DGKQ: variants seen among roughly 807,000 people sequenced by gnomAD.
The protein encoded by DGKQ is DAG kinase theta.
Under a neutral mutation model 104.2 loss-of-function variants are expected in DGKQ, and 97 were observed. The ratio of observed to expected loss-of-function variants is 0.93; its 90% CI spans 0.79 to 1.10. DGKQ has a LOEUF of 1.10. Ranked by LOEUF, DGKQ falls within the 50% of genes least tolerant of loss-of-function variation. The pLI is 0.00. For synonymous variants in DGKQ, 736 were observed against 595.2 expected, an observed-to-expected ratio of 1.24 and a Z score of -3.44; for missense variants, 1,465 against 1,352.1, an observed-to-expected ratio of 1.08 and a Z score of -1.31.
chr4:968,209 C>T (rs1712597875), intron 5 of DGKQ, 73 bp downstream of exon 5: 1 of 775,290 alleles, frequency 1.3e-6, no homozygotes. Context: ...GCCAACTCCT[C>T]CACCTCCCAG....
chr4:963,109 G>T, intron 16 of DGKQ, 30 bp downstream of exon 16: 1 of 1,577,198 alleles, frequency 6.3e-7, no homozygotes, highest in Non-Finnish European at 8.6e-7. Context: ...CCCTGCTGCT[G>T]CCCTGGACCA....
Position 971,125 on chromosome 4 carries a change from C to T in DGKQ, c.272-53G>A. On this transcript the variant is annotated intron_variant, in intron 1 of 22. Transcript: ENST00000273814. The surrounding 1 kb of genome is among the most constrained non-coding windows in gnomAD (Gnocchi z 4.0). ...GCCCCTGTCCTACCCAATGGCTGTC[C>T]TACCCAGGAAGTTAGAGGCCCCAGG... The T allele has an allele frequency of 7.1e-7, 1 of 1,417,904 alleles. No individual in the cohort carries two copies. The highest frequency in any genetic ancestry group is 1.2e-5 in the South Asian group (1 of 80,632). The allele number at this position is 1,417,904 out of a possible 1,614,324, so 87.8% of individuals were successfully genotyped here. A position where few individuals can be genotyped will look rare whatever the true frequency, so the allele number is the denominator to read the frequency against.
chr4:968,406 T>A lies in DGKQ; in HGVS notation c.539A>T (p.Asp180Val), dbSNP rs1560518993. The change falls in exon 5 of 23, where the codon GAC becomes GTC. Residue 180 changes from aspartate (D) to valine (V), a missense_variant and splice_region_variant. By Grantham distance (152) the Asp-to-Val change is radical. Transcript: ENST00000273814. The part of the protein sequence containing the change: ...QCHQDGHQDH[D>V]THHHHWREGN... ...CTCCCGCCAGTGGTGGTGATGGGTG[T>A]CCTGCAGAGCGGGGGCAGTCAGCAG... is the stretch of plus-strand genomic sequence containing the variant. 2.5e-6 allele frequency: 4 copies of A among 1,578,642 alleles called. No individual in the cohort carries two copies. The highest frequency in any genetic ancestry group is 1.1e-5 in the South Asian group (1 of 87,022).
At chr4:962,157 G>A (rs994406701) in intron 18 of DGKQ, 75 bp from the exon 19 acceptor site, 23 of 1,318,878 alleles carry the variant, frequency 1.7e-5, no homozygotes, top group Admixed American at 8.7e-5. Flanking sequence ...CAGCTCTGCC[G>A]GCAGGCAGAG....
At position 966,922 on chromosome 4, in the gene DGKQ, A is replaced by C. The variant is rs1242183453; in HGVS notation, c.1311+42T>G. 9 of 1,548,236 alleles carry C rather than the reference A, an allele frequency of 5.8e-6. No individual in the cohort carries two copies. In the South Asian group the frequency reaches 9.5e-5, roughly 16 times the overall value. ...GGCCTCCTGGGGACAGCGACCCCCCACCGAGTCTGGCCGGCATGGGGAGCA... is the reference window on the plus strand; with the variant it reads ...GGCCTCCTGGGGACAGCGACCCCCCCCCGAGTCTGGCCGGCATGGGGAGCA... On this transcript the variant is annotated intron_variant, in intron 10 of 22. Transcript: ENST00000273814.
chr4:960,436 T>C lies in DGKQ; in HGVS notation c.*184A>G. On this transcript the variant is annotated 3_prime_UTR_variant, in exon 23 of 23. Coordinates refer to ENST00000273814, the MANE Select transcript of DGKQ (RefSeq NM_001347.4). ...TGGGATGAGGGCTGTGACACCAACA[T>C]GTGTCACCAATGGGATGAGGGCGGG... is the stretch of plus-strand genomic sequence containing the variant. 1 of 604,322 alleles carries C rather than the reference T, an allele frequency of 1.7e-6. No individual in the cohort carries two copies. Among genetic ancestry groups the C allele is most frequent in the Non-Finnish European group, 3.0e-6 (1 of 338,130 alleles). 37.4% of individuals were successfully genotyped at this position (604,322 alleles called of 1,614,324 possible). A position where few individuals can be genotyped will look rare whatever the true frequency, so the allele number is the denominator to read the frequency against.
intron 1 of DGKQ, among the ~76,000 whole-genome samples, chr4:972,215 G>A (rs1712984686): frequency 6.6e-6 from 1 of 152,114 alleles, no homozygotes; most frequent in Non-Finnish European, 1.5e-5. Flanking sequence ...CCTCAAGTCG[G>A]GAGCTGCCTC....
chr4:971,071 G>T lies in DGKQ; in HGVS notation c.273C>A (p.Val91=). 1 of 1,556,608 alleles carries T rather than the reference G, an allele frequency of 6.4e-7. No homozygotes were observed. The highest frequency in any genetic ancestry group is 1.2e-5 in the South Asian group (1 of 84,384). The part of the protein sequence containing the change: ...IWGLAGFLCD[V]CNFMSHEKCL... ...ACTTCTCATGAGACATGAAATTGCA[G>T]ACTGTGGGAATGAGCACTGTGTGAG... Residue 91 remains valine (V), a splice_region_variant and synonymous_variant, in exon 2 of 23, where the codon GTC becomes GTA. Transcript: ENST00000273814. The surrounding 1 kb of genome is among the most constrained non-coding windows in gnomAD (Gnocchi z 4.0).
In DGKQ at chr4:973,463, G is replaced by A; in HGVS notation, c.20C>T (p.Pro7Leu). ...GCCGCCCAGCCAGGCGCGGGCCCCG[G>A]GCTCGGCCGCCGCCGCCATTCCCGG... MAAAAE[P>L]GARAWLGGGS... Residue 7 changes from proline (P) to leucine (L), a missense_variant, in exon 1 of 23, where the codon CCC becomes CTC. Pro to Leu is a moderately conservative substitution (Grantham distance 98). Transcript: ENST00000273814. 7 of 986,774 alleles carry A rather than the reference G, an allele frequency of 7.1e-6. No homozygotes were observed. Among genetic ancestry groups the A allele is most frequent in the Non-Finnish European group, 8.4e-6 (7 of 832,032 alleles). 61.1% of individuals were successfully genotyped at this position (986,774 alleles called of 1,614,324 possible).
rs1446279760 is a variant in DGKQ at position 962,776 on chromosome 4, G to A, written c.2031C>T (p.Gly677=). The change falls in exon 17 of 23, where the codon GGC becomes GGT. Residue 677 remains glycine (G), a synonymous_variant. Coordinates refer to ENST00000273814, the MANE Select transcript of DGKQ (RefSeq NM_001347.4). ...CGGCTGCACGGCTGAGCCCACCTGT[G>A]CCCAGGGGCAGGATGGCCACAGAAG... ...PEPSVAILPL[G]TGNDLGRVLR... is the part of the protein sequence containing the mutation. 1.2e-6 allele frequency: 2 copies of A among 1,605,178 alleles called. No homozygotes were observed. The highest frequency in any genetic ancestry group is 1.7e-5 in the Admixed American group (1 of 58,816).
chr4:965,678 AC>A, intron 13 of DGKQ, 149 bp from the exon 14 acceptor site: 1 of 950,638 alleles, frequency 1.1e-6, no homozygotes, highest in Non-Finnish European at 1.6e-6. Context: ...CAGGAGCAGG[AC>A]TCCCAGCTCC....
Position 965,242 on chromosome 4 carries a change from G to A in DGKQ, c.1668C>T (p.Tyr556=), listed in dbSNP as rs1380679933. The A allele has an allele frequency of 6.2e-7, 1 of 1,612,564 alleles. No individual in the cohort carries two copies. The highest frequency in any genetic ancestry group is 1.3e-5 in the African/African-American group (1 of 74,908). ...VACFAEAERL[Y]MLLKDMAVRG... is the part of the protein sequence containing the mutation. Reference sequence around the variant, plus strand: ...GCACAGCCATGTCCTTCAGCAGCATGTACAGCCGCTCGGCCTCCGCAAAGC... The same window carrying A: ...GCACAGCCATGTCCTTCAGCAGCATATACAGCCGCTCGGCCTCCGCAAAGC... Residue 556 remains tyrosine (Y), a synonymous_variant, in exon 15 of 23, where the codon TAC becomes TAT. Coordinates refer to ENST00000273814, the MANE Select transcript of DGKQ (RefSeq NM_001347.4).
In DGKQ at chr4:965,214, C is replaced by A. The variant is rs138136498; in HGVS notation, c.1696G>T (p.Gly566Cys). The A allele has an allele frequency of 2.8e-5, 45 of 1,612,582 alleles. No homozygotes were observed. Among genetic ancestry groups the A allele is most frequent in the Non-Finnish European group, 3.6e-5 (42 of 1,179,922 alleles). Residue 566 changes from glycine to cysteine, a missense_variant, in exon 15 of 23, where the codon GGC becomes TGC. By Grantham distance (159) the Gly-to-Cys change is radical. Coordinates refer to ENST00000273814, the MANE Select transcript of DGKQ (RefSeq NM_001347.4). ...YMLLKDMAVR[G>C]RLLTALVLPD... ...AGCACCAGGGCAGTGAGCAGCCGGC[C>A]CCGCACAGCCATGTCCTTCAGCAGC...
In DGKQ at chr4:968,540, T is replaced by C. The variant is rs768550851; in HGVS notation, c.476A>G (p.Asp159Gly). 6.2e-6 allele frequency: 10 copies of C among 1,609,092 alleles called. No homozygotes were observed. In the Admixed American group the frequency reaches 1.3e-4, roughly 22 times the overall value. ...CEVCELHLHPDCVPFACSDCR... is the reference protein window; with the variant it reads ...CEVCELHLHPGCVPFACSDCR... ...GTCACTGCAGGCGAAGGGCACACAG[T>C]CTGGGTGGAGGTGCAGCTCACACAC... Residue 159 changes from aspartate (D) to glycine (G), a missense_variant, in exon 4 of 23, where the codon GAC becomes GGC. By Grantham distance (94) the Asp-to-Gly change is moderately conservative. Transcript: ENST00000273814.
Position 973,550 on chromosome 4 carries a change from C to G in DGKQ, c.-68G>C. The G allele has an allele frequency of 1.0e-6, 1 of 981,644 alleles. No individual in the cohort carries two copies. Among genetic ancestry groups the G allele is most frequent in the Non-Finnish European group, 1.2e-6 (1 of 827,160 alleles). 60.8% of individuals were successfully genotyped at this position (981,644 alleles called of 1,614,324 possible). On this transcript the variant is annotated 5_prime_UTR_variant, in exon 1 of 23. Coordinates refer to ENST00000273814, the MANE Select transcript of DGKQ (RefSeq NM_001347.4). ...GGTACAGGAGCCGCCGCTCCACGGC[C>G]CGGTACACTGCTTCCGACTGCGCCT...
chr4:960,588 T>C lies in DGKQ; in HGVS notation c.*32A>G. ...AAAACAAGGCTGGCGGGAGCAGAGA[T>C]GGCTCGAGCCCTTGGGCTGCCCCAG... is the stretch of plus-strand genomic sequence containing the variant. On this transcript the variant is annotated 3_prime_UTR_variant, in exon 23 of 23. Transcript: ENST00000273814. The C allele has an allele frequency of 1.9e-6, 3 of 1,588,120 alleles. No homozygotes were observed. Among genetic ancestry groups the C allele is most frequent in the Non-Finnish European group, 2.6e-6 (3 of 1,161,054 alleles).
rs1014547395 is a variant in DGKQ at position 973,248 on chromosome 4, C to T, written c.235G>A (p.Asp79Asn). 3 of 1,561,580 alleles carry T rather than the reference C, an allele frequency of 1.9e-6. No homozygotes were observed. Among genetic ancestry groups the T allele is most frequent in the Non-Finnish European group, 2.6e-6 (3 of 1,157,104 alleles). Residue 79 changes from aspartate (D) to asparagine (N), a missense_variant, in exon 1 of 23, where the codon GAC (aspartate) becomes AAC (asparagine). Asp to Asn is a conservative substitution (Grantham distance 23). Transcript: ENST00000273814. ...TKPTFCHLCS[D>N]FIWGLAGFLC... Reference sequence around the variant, plus strand: ...AAGCCGGCCAGCCCCCAGATGAAGTCGGAGCAGAGGTGGCAGAAGGTGGGC... The same window carrying T: ...AAGCCGGCCAGCCCCCAGATGAAGTTGGAGCAGAGGTGGCAGAAGGTGGGC...
Position 968,367 on chromosome 4 carries a change from G to A in DGKQ, c.578C>T (p.Ser193Leu), listed in dbSNP as rs768749690. ...HHHWREGNLP[S>L]GARCEVCRKT... ...CCTGCAGACCTCGCAGCGCGCTCCCGAGGGCAGGTTCCCCTCCCGCCAGTG... is the reference window on the plus strand; with the variant it reads ...CCTGCAGACCTCGCAGCGCGCTCCCAAGGGCAGGTTCCCCTCCCGCCAGTG... Residue 193 changes from serine (S) to leucine (L), a missense_variant, in exon 5 of 23, where the codon TCG (serine) becomes TTG (leucine). Physicochemically the swap from Ser to Leu is moderately radical, Grantham distance 145. Transcript: ENST00000273814. 228 of 1,502,822 alleles carry A rather than the reference G, an allele frequency of 1.5e-4. 1 individual carries two copies. Among genetic ancestry groups the A allele is most frequent in the Non-Finnish European group, 2.0e-4 (224 of 1,122,654 alleles). 93.1% of individuals were successfully genotyped at this position (1,502,822 alleles called of 1,614,324 possible).
At chr4:965,877 G>T in intron 13 of DGKQ, 51 bp downstream of exon 13, 1 of 1,513,120 alleles carries the variant, frequency 6.6e-7, no homozygotes, top group Admixed American at 2.0e-5. Context: ...ACTGCCTGCC[G>T]CTCGACCCTG....
Sources: gnomAD v4.1 joint callset for allele counts (sites outside exome capture counted in the v4.1 genomes callset) on GRCh38, gnomAD v4.1.1 for gene constraint, Gnocchi (gnomAD v3.1) non-coding constraint, MANE v1.5 for transcripts, NCBI Gene and HGNC (gene_info 2026-07-23, HGNC 2026-07-21) for gene names.